Variants in PHEX observed in about 807,000 individuals in gnomAD.
PHEX encodes the protein phosphate-regulating neutral endopeptidase PHEX.
Under a neutral mutation model 68.0 loss-of-function variants are expected in PHEX, and 16 were observed. That is an observed-to-expected ratio of 0.24 (90% CI 0.16 to 0.36). The LOEUF (loss-of-function observed/expected upper bound fraction) is 0.36. PHEX is among the 10% of genes least tolerant of loss of function. The pLI, the probability that PHEX is intolerant of heterozygous loss-of-function variation, is 1.00. For missense variants in PHEX, 480 were observed against 575.5 expected, an observed-to-expected ratio of 0.83 and a Z score of 1.70; for synonymous variants, 208 against 205.1, an observed-to-expected ratio of 1.01 and a Z score of -0.12.
At chrX:22,080,867 A>G (rs752033768) in intron 5 of PHEX, among the ~76,000 whole-genome samples, 1 of 111,999 alleles carries the variant, frequency 8.9e-6, no homozygotes, top group South Asian at 3.8e-4. Flanking sequence ...AGGGTGAATT[A>G]GAATTTACTT....
intron 3 of PHEX, among the ~76,000 whole-genome samples, chrX:22,065,809 A>G (rs924580356): frequency 8.9e-5 from 10 of 112,256 alleles, no homozygotes; most frequent in African/African-American, 2.9e-4. Context: ...CTGTGATGTC[A>G]GCAGTCATCA....
At position 22,090,471 on chromosome X, in the gene PHEX, C is replaced by G; in HGVS notation, c.706C>G (p.Leu236Val). ...CTCCCTGGCCGTGAGGGAAGACTAC[C>G]TTGATAACAGTACAGAAGCCAAGTC... The part of the protein sequence containing the change: ...TLSLAVREDY[L>V]DNSTEAKSYR... The change falls in exon 6 of 22, where the codon CTT becomes GTT. Residue 236 changes from leucine (L) to valine (V), a missense_variant. By Grantham distance (32) the Leu-to-Val change is conservative. Coordinates refer to ENST00000379374, the MANE Select transcript of PHEX (RefSeq NM_000444.6). The G allele has an allele frequency of 1.7e-6, 2 of 1,206,837 alleles. No individual in the cohort carries two copies. Among genetic ancestry groups the G allele is most frequent in the Non-Finnish European group, 2.2e-6 (2 of 890,831 alleles).
intron 2 of PHEX, among the ~76,000 whole-genome samples, chrX:22,042,959 A>C (rs1316293480): frequency 8.9e-6 from 1 of 112,790 alleles, no homozygotes; most frequent in East Asian, 2.8e-4. Flanking sequence ...TTTGATGGCA[A>C]AATTGGATCT....
intron 15 of PHEX, among the ~76,000 whole-genome samples, chrX:22,198,357 G>A (rs1231708141): frequency 1.8e-5 from 2 of 108,490 alleles, no homozygotes; most frequent in East Asian, 5.7e-4. Context: ...GAGGAGCTGG[G>A]AGAGAGAGAC....
intron 3 of PHEX, among the ~76,000 whole-genome samples, chrX:22,054,699 TC>T (rs1927996980): frequency 9.0e-6 from 1 of 111,585 alleles, no homozygotes; most frequent in Admixed American, 9.6e-5. Context: ...ATCACCACAG[TC>T]CTATATGTGC....
At chrX:22,167,318 C>A (rs1215195846) in intron 12 of PHEX, among the ~76,000 whole-genome samples, 1 of 110,558 alleles carries the variant, frequency 9.0e-6, no homozygotes, top group Admixed American at 9.7e-5. Context: ...TATCTCTTGT[C>A]TTGTTGATAG....
intron 12 of PHEX, chrX:22,163,029 A>G (rs1319130494): frequency 8.9e-6 from 1 of 111,736 alleles, no homozygotes; most frequent in Non-Finnish European, 1.9e-5. Flanking sequence ...GGTTGTCACA[A>G]CTTGCGGAGG....
chrX:22,090,780 C>A (rs768117057), intron 6 of PHEX, among the ~76,000 whole-genome samples: 5 of 111,967 alleles, frequency 4.5e-5, no homozygotes, highest in Non-Finnish European at 9.4e-5. Context: ...GTCATTCATT[C>A]CTCAGAAGTG....
intron 6 of PHEX, among the ~76,000 whole-genome samples, chrX:22,093,421 T>G (rs1929989896): frequency 8.9e-6 from 1 of 112,217 alleles, no homozygotes; most frequent in African/African-American, 3.2e-5. Context: ...TTCCTCTCTT[T>G]TCTCCTTTTT....
chrX:22,057,453 C>A (rs1031221184), intron 3 of PHEX, among the ~76,000 whole-genome samples: 2 of 110,832 alleles, frequency 1.8e-5, no homozygotes, highest in Admixed American at 1.9e-4. Flanking sequence ...TTAGCCAGAC[C>A]TGGTGGCATG....
chrX:22,231,870 A>ATTTTAGATCTTTCCTGCTTTCTCTTGT (rs1366829107), intron 20 of PHEX, among the ~76,000 whole-genome samples: 3 of 111,761 alleles, frequency 2.7e-5, no homozygotes, highest in Non-Finnish European at 5.6e-5. Context: ...TAGGGTGTCA[A>ATTTTAGATCTTTCCTGCTTTCTCTTGT]TTTTAGATCT....
chrX:22,139,654 C>T (rs775709779), intron 12 of PHEX, among the ~76,000 whole-genome samples: 1 of 108,201 alleles, frequency 9.2e-6, no homozygotes, highest in Non-Finnish European at 1.9e-5. Flanking sequence ...TTCTGAGTAC[C>T]TGGAACTATA....
intron 16 of PHEX, among the ~76,000 whole-genome samples, chrX:22,217,124 G>T: frequency 9.0e-6 from 1 of 111,665 alleles, no homozygotes; most frequent in African/African-American, 3.3e-5. Flanking sequence ...CAACAGCATT[G>T]ACTGAGGGAT....
intron 18 of PHEX, among the ~76,000 whole-genome samples, chrX:22,223,337 G>C (rs1360764420): frequency 1.8e-5 from 2 of 111,299 alleles, no homozygotes; most frequent in African/African-American, 3.3e-5. Context: ...CCTTTTCGTA[G>C]CTGTTGAGTC....
At chrX:22,078,568 T>C (rs1190333260) in intron 5 of PHEX, among the ~76,000 whole-genome samples, 1 of 112,270 alleles carries the variant, frequency 8.9e-6, no homozygotes, top group African/African-American at 3.2e-5. Flanking sequence ...CCTCACCTCA[T>C]GCATTTTAAC....
intron 11 of PHEX, among the ~76,000 whole-genome samples, chrX:22,120,859 AT>A (rs1356709141): frequency 1.8e-5 from 2 of 111,786 alleles, no homozygotes; most frequent in South Asian, 3.7e-4. Flanking sequence ...CATCAAAGAA[AT>A]TTTTTTTCTA....
At chrX:22,127,831 T>C (rs7877710) in intron 11 of PHEX, among the ~76,000 whole-genome samples, 11,125 of 108,646 alleles carry the variant, frequency 0.1, 1,405 homozygotes, top group African/African-American at 0.35. Context: ...TTTTGACAAA[T>C]GTGAGAGGGC....
intron 20 of PHEX, among the ~76,000 whole-genome samples, chrX:22,244,857 A>T (rs1049255854): frequency 3.6e-5 from 4 of 111,803 alleles, no homozygotes; most frequent in African/African-American, 1.3e-4. Flanking sequence ...CCAACTTCAA[A>T]GGAGATGGAG....
chrX:22,198,148 T>A (rs1041633023), intron 15 of PHEX, among the ~76,000 whole-genome samples: 1 of 104,551 alleles, frequency 9.6e-6, no homozygotes, highest in African/African-American at 3.4e-5. Flanking sequence ...AATATTTATA[T>A]AATATATATC....
Sources: gnomAD v4.1 joint callset for allele counts (sites outside exome capture counted in the v4.1 genomes callset) on GRCh38, gnomAD v4.1.1 for gene constraint, MANE v1.5 for transcripts, NCBI Gene and HGNC (gene_info 2026-07-23, HGNC 2026-07-21) for gene names.